ARL13B: variants seen among roughly 807,000 people sequenced by gnomAD.
ARL13B encodes ADP-ribosylation factor-like protein 13B.
A neutral mutation model predicts 56.1 loss-of-function variants in ARL13B; 36 were observed. The ratio of observed to expected loss-of-function variants is 0.64; its 90% CI spans 0.49 to 0.85. The LOEUF (loss-of-function observed/expected upper bound fraction) is 0.85. ARL13B is among the 40% of genes least tolerant of loss of function. The pLI, the probability that ARL13B is intolerant of heterozygous loss-of-function variation, is 0.00. For synonymous variants in ARL13B, 178 were observed against 171.1 expected, an observed-to-expected ratio of 1.04 and a Z score of -0.32; for missense variants, 519 against 507.1, an observed-to-expected ratio of 1.02 and a Z score of -0.23.
At position 94,029,349 on chromosome 3, in the gene ARL13B, ATT is replaced by A. The variant is rs869211830; in HGVS notation, c.381-5968_381-5967del. Reference sequence around the variant, plus strand: ...ATATATATATATTTATTTTTTTTTTATTTTTTTTTTTTTTTGAGAAGGAGTCT... The same window carrying A: ...ATATATATATATTTATTTTTTTTTTATTTTTTTTTTTTTGAGAAGGAGTCT... On this transcript the variant is annotated intron_variant, in intron 3 of 9. Transcript: ENST00000394222. Among the ~76,000 whole-genome samples the A allele has an allele frequency of 4.5e-4, 40 of 88,068 alleles. 2 individuals are homozygous for A. Among genetic ancestry groups the A allele is most frequent in the African/African-American group, 1.5e-3 (36 of 23,780 alleles). 57.8% of individuals were successfully genotyped at this position (88,068 alleles called of 152,430 possible). A position where few individuals can be genotyped will look rare whatever the true frequency, so the allele number is the denominator to read the frequency against.
intron 3 of ARL13B, among the ~76,000 whole-genome samples, chr3:94,029,448 A>C (rs2076635396): frequency 6.7e-6 from 1 of 149,396 alleles, no homozygotes; most frequent in Non-Finnish European, 1.5e-5. Context: ...CCCGGGTTCA[A>C]GCAATTCTGC....
In ARL13B at chr3:93,980,374, C is replaced by T. The variant is rs199505618; in HGVS notation, c.-50C>T. ...AGGCCCCCGGGGAAGAGCGGGGTGC[C>T]GGTGTCCGCTCCGGGCTCGGATGGG... On this transcript the variant is annotated 5_prime_UTR_variant, in exon 1 of 10. Coordinates refer to ENST00000394222, the MANE Select transcript of ARL13B (RefSeq NM_001174150.2). 5.0e-6 allele frequency: 8 copies of T among 1,604,498 alleles called. No individual in the cohort carries two copies. In the African/African-American group the frequency reaches 6.7e-5, roughly 13 times the overall value.
At chr3:94,047,398 G>T (rs1333186217) in intron 7 of ARL13B, among the ~76,000 whole-genome samples, 1 of 152,134 alleles carries the variant, frequency 6.6e-6, no homozygotes, top group African/African-American at 2.4e-5. Flanking sequence ...CTAAGTTTTT[G>T]AATAGTTCTC....
intron 3 of ARL13B, among the ~76,000 whole-genome samples, chr3:94,010,838 C>T (rs902868702): frequency 5.3e-5 from 8 of 151,732 alleles, no homozygotes; most frequent in African/African-American, 1.9e-4. Flanking sequence ...TATAATTGTA[C>T]TAATGAATAT....
In ARL13B at chr3:93,987,820, TTA is replaced by T. The variant is rs200904405; in HGVS notation, c.59+7339_59+7340del. Among the ~76,000 whole-genome samples, 503 of 151,918 alleles carry T rather than the reference TTA, an allele frequency of 3.3e-3. 3 individuals carry two copies. Among genetic ancestry groups the T allele is most frequent in the African/African-American group, 0.012 (489 of 41,294 alleles). On this transcript the variant is annotated intron_variant, in intron 1 of 9. Transcript: ENST00000394222. The stretch of plus-strand genomic sequence containing the variant: ...CACGATGCCTGGCTAATTTTTTTTT[TTA>T]ATTTGTAGAGACAAGGTCTCACCAT...
intron 3 of ARL13B, among the ~76,000 whole-genome samples, chr3:94,025,627 C>T (rs2076540931): frequency 6.6e-6 from 1 of 152,130 alleles, no homozygotes; most frequent in Admixed American, 6.5e-5. Context: ...TACAAGAATG[C>T]TCTGAGTGTC....
intron 3 of ARL13B, among the ~76,000 whole-genome samples, chr3:94,011,092 A>G (rs999874579): frequency 6.6e-5 from 10 of 152,110 alleles, no homozygotes; most frequent in Admixed American, 2.0e-4. Flanking sequence ...CACCATAGAA[A>G]GCTCTTCAAT....
rs934509988 is a variant in ARL13B, at chr3:94,054,157, G to A, written c.*894G>A. On this transcript the variant is annotated 3_prime_UTR_variant, in exon 10 of 10. Transcript: ENST00000394222. ...CCCTTGTTCCATCAGAAGCTGCAGT[G>A]ACTCTTTTAGGTGATTCTAATTCTT... 8.8e-6 allele frequency: 4 copies of A among 453,152 alleles called. No homozygotes were observed. The highest frequency in any genetic ancestry group is 6.0e-5 in the African/African-American group (3 of 49,978). The allele number at this position is 453,152 out of a possible 1,614,324, so 28.1% of individuals were successfully genotyped here.
At chr3:94,028,079 TA>T (rs1357623576) in intron 3 of ARL13B, among the ~76,000 whole-genome samples, 2 of 152,208 alleles carry the variant, frequency 1.3e-5, no homozygotes, top group Non-Finnish European at 2.9e-5. Flanking sequence ...TCTGACTTTC[TA>T]GTATTTTTTA....
In ARL13B at chr3:94,054,619, C is replaced by T. The variant is rs749390354; in HGVS notation, c.*1356C>T. The T allele has an allele frequency of 2.1e-4, 79 of 370,690 alleles. No homozygotes were observed. The highest frequency in any genetic ancestry group is 3.4e-4 in the Non-Finnish European group (65 of 190,940). 23.0% of individuals were successfully genotyped at this position (370,690 alleles called of 1,614,324 possible). A position where few individuals can be genotyped will look rare whatever the true frequency, so the allele number is the denominator to read the frequency against. ...TGATAACATTAAGTACATTTTATGTCGTTTAATATAATTATTTACTTTAAA... is the reference window on the plus strand; with the variant it reads ...TGATAACATTAAGTACATTTTATGTTGTTTAATATAATTATTTACTTTAAA... On this transcript the variant is annotated 3_prime_UTR_variant, in exon 10 of 10. Transcript: ENST00000394222.
intron 3 of ARL13B, among the ~76,000 whole-genome samples, chr3:94,027,250 A>G (rs2076576405): frequency 6.6e-6 from 1 of 152,058 alleles, no homozygotes; most frequent in South Asian, 2.1e-4. Flanking sequence ...TAATATATTA[A>G]CCTCTTTGGC....
rs1178829930 is a variant in ARL13B at position 94,053,369 on chromosome 3, C to G, written c.*106C>G. ...TAAATTGATGACTGGGGCAAGATAA[C>G]CATAATAATTTTAGTGAGAAGATTA... On this transcript the variant is annotated 3_prime_UTR_variant, in exon 10 of 10. Transcript: ENST00000394222. The G allele has an allele frequency of 9.9e-7, 1 of 1,006,376 alleles. No individual in the cohort carries two copies. The highest frequency in any genetic ancestry group is 1.6e-5 in the African/African-American group (1 of 63,434). 62.3% of individuals were successfully genotyped at this position (1,006,376 alleles called of 1,614,324 possible). A position where few individuals can be genotyped will look rare whatever the true frequency, so the allele number is the denominator to read the frequency against.
chr3:94,008,173 G>T (rs1156771589), intron 3 of ARL13B, among the ~76,000 whole-genome samples: 1 of 152,114 alleles, frequency 6.6e-6, no homozygotes, highest in Non-Finnish European at 1.5e-5. Flanking sequence ...TAAATGCCAT[G>T]CAAACATTAT....
At chr3:94,042,420 A>G (rs1456327573) in intron 6 of ARL13B, among the ~76,000 whole-genome samples, 1 of 152,242 alleles carries the variant, frequency 6.6e-6, no homozygotes, top group African/African-American at 2.4e-5. Flanking sequence ...AATTGGAAAT[A>G]CTTTGTTCAT....
At chr3:93,999,385 T>C (rs1342909741) in intron 2 of ARL13B, among the ~76,000 whole-genome samples, 1 of 152,106 alleles carries the variant, frequency 6.6e-6, no homozygotes, top group African/African-American at 2.4e-5. Context: ...AGACTAGAGG[T>C]GTGCTCCACA....
At chr3:94,021,293 G>T (rs897389491) in intron 3 of ARL13B, among the ~76,000 whole-genome samples, 1 of 151,256 alleles carries the variant, frequency 6.6e-6, no homozygotes, top group African/African-American at 2.4e-5. Context: ...TCCTGGGTTC[G>T]AAGCGATTCT....
intron 3 of ARL13B, among the ~76,000 whole-genome samples, chr3:94,016,062 T>G (rs575618077): frequency 1.3e-5 from 2 of 152,238 alleles, no homozygotes; most frequent in South Asian, 4.1e-4. Flanking sequence ...ACATGCTGTG[T>G]TGGTAGTTAT....
intron 3 of ARL13B, among the ~76,000 whole-genome samples, chr3:94,029,339 T>C (rs1336019264): frequency 2.2e-5 from 1 of 45,720 alleles, no homozygotes; most frequent in Non-Finnish European, 4.5e-5. Context: ...TATATATTTA[T>C]TTTTTTTTTA....
intron 3 of ARL13B, among the ~76,000 whole-genome samples, chr3:94,012,975 TCAGA>T (rs2076251296): frequency 5.3e-5 from 8 of 152,210 alleles, no homozygotes; most frequent in Non-Finnish European, 1.2e-4. Flanking sequence ...TGTGTGAACT[TCAGA>T]CTTCTTTCCA....
Sources: allele counts gnomAD v4.1 joint callset (sites outside exome capture counted in the v4.1 genomes callset), GRCh38; gene constraint gnomAD v4.1.1; transcripts MANE v1.5; gene names NCBI Gene and HGNC (gene_info 2026-07-23, HGNC 2026-07-21).